Variants in PRKG2 observed in about 807,000 individuals in gnomAD.
PRKG2 encodes the protein protein kinase cGMP-dependent 2.
Under a neutral mutation model 97.2 loss-of-function variants are expected in PRKG2, and 33 were observed. The observed-to-expected ratio is 0.34, with a 90% CI of 0.26 to 0.45. The LOEUF (loss-of-function observed/expected upper bound fraction) is 0.45. Ranked by LOEUF, PRKG2 falls within the 20% of genes least tolerant of loss-of-function variation. The pLI is 1.00. For synonymous variants in PRKG2, 330 were observed against 321.8 expected (o/e 1.03, Z -0.27); for missense variants, 638 against 900.0 (o/e 0.71, Z 3.73).
At chr4:81,173,383 G>A (rs1750656803) in intron 3 of PRKG2, among the ~76,000 whole-genome samples, 1 of 152,038 alleles carries the variant, frequency 6.6e-6, no homozygotes. Flanking sequence ...AGAACTACTT[G>A]GGAAGGAACG....
At chr4:81,159,697 T>A (rs1211322444) in intron 6 of PRKG2, among the ~76,000 whole-genome samples, 1 of 151,884 alleles carries the variant, frequency 6.6e-6, no homozygotes, top group Non-Finnish European at 1.5e-5. Context: ...TAGCAAAGAC[T>A]TAGAACCAAC....
chr4:81,112,272 T>C (rs1018583066), intron 14 of PRKG2, among the ~76,000 whole-genome samples: 27 of 152,140 alleles, frequency 1.8e-4, no homozygotes, highest in South Asian at 1.2e-3. Context: ...TACTGTGTGG[T>C]TGGGAATATT....
rs1036153983 is a variant in PRKG2 at position 81,088,582 on chromosome 4, T to G, written c.*1126A>C. On this transcript the variant is annotated 3_prime_UTR_variant, in exon 19 of 19. Transcript: ENST00000264399. ...AAGGAAGGGATAGGAGGGATGCTGT[T>G]GTCCCTTTTACTTCTGAAATCCTAT... 1 of 152,176 alleles carries G rather than the reference T, an allele frequency of 6.6e-6. No homozygotes were observed. The highest frequency in any genetic ancestry group is 6.5e-5 in the Admixed American group (1 of 15,268). The allele number at this position is 152,176 out of a possible 1,614,324, so 9.4% of individuals were successfully genotyped here. A position where few individuals can be genotyped will look rare whatever the true frequency, so the allele number is the denominator to read the frequency against.
At position 81,142,829 on chromosome 4, in the gene PRKG2, T is replaced by C; in HGVS notation, c.1372A>G (p.Thr458Ala). The C allele has an allele frequency of 1.2e-6, 2 of 1,611,084 alleles. No individual in the cohort carries two copies. Among genetic ancestry groups the C allele is most frequent in the Non-Finnish European group, 1.7e-6 (2 of 1,178,084 alleles). The change falls in exon 11 of 19, where the codon ACA (threonine) becomes GCA (alanine). Residue 458 changes from threonine to alanine, a missense_variant. Thr to Ala is a moderately conservative substitution (Grantham distance 58). This residue lies in a region of PRKG2 where 304 missense variants were observed against 460.5 expected (regional missense o/e 0.66). Coordinates refer to ENST00000264399, the MANE Select transcript of PRKG2 (RefSeq NM_006259.3). ...SPFQNLEIIA[T>A]LGVGGFGRVE... is the part of the protein sequence containing the mutation. ...CTTCCGAACCCACCAACGCCCAGTGTTGCAATAATCTCAAGGTTCTGGAAT... is the reference window on the plus strand; with the variant it reads ...CTTCCGAACCCACCAACGCCCAGTGCTGCAATAATCTCAAGGTTCTGGAAT...
chr4:81,104,197 AGATT>A (rs2109967753), intron 17 of PRKG2, among the ~76,000 whole-genome samples, 169 bp downstream of exon 17: 1 of 152,292 alleles, frequency 6.6e-6, no homozygotes, highest in Middle Eastern at 3.4e-3. Flanking sequence ...AATCACTTTG[AGATT>A]GATTATTATA....
At chr4:81,208,457 A>C (rs532190150) in intron 1 of PRKG2, among the ~76,000 whole-genome samples, 45 of 152,282 alleles carry the variant, frequency 3.0e-4, no homozygotes, top group African/African-American at 1.0e-3. Context: ...ACAGGGTCTC[A>C]TTCTGCAGCC....
intron 6 of PRKG2, among the ~76,000 whole-genome samples, chr4:81,165,671 A>G (rs1749920018): frequency 6.6e-6 from 1 of 152,192 alleles, no homozygotes; most frequent in South Asian, 2.1e-4. Context: ...GCTGTCTGCA[A>G]ATGCTGAGAT....
At chr4:81,201,559 C>T (rs1052054049) in intron 2 of PRKG2, among the ~76,000 whole-genome samples, 2 of 152,102 alleles carry the variant, frequency 1.3e-5, no homozygotes, top group Non-Finnish European at 2.9e-5. Context: ...TTGATGGGTA[C>T]AGGACAATAA....
intron 4 of PRKG2, among the ~76,000 whole-genome samples, chr4:81,170,943 G>C (rs1008367632): frequency 9.9e-5 from 15 of 151,986 alleles, no homozygotes; most frequent in African/African-American, 3.6e-4. Context: ...AGCAAATATG[G>C]AATCAGTCAG....
At chr4:81,129,216 GT>G (rs1486832958) in intron 14 of PRKG2, among the ~76,000 whole-genome samples, 3 of 152,100 alleles carry the variant, frequency 2.0e-5, no homozygotes, top group African/African-American at 7.2e-5. Flanking sequence ...GCTGAGGAGT[GT>G]TTTATTTCCA....
At chr4:81,101,900 G>A (rs765634174) in intron 17 of PRKG2, among the ~76,000 whole-genome samples, 1 of 152,058 alleles carries the variant, frequency 6.6e-6, no homozygotes, top group Non-Finnish European at 1.5e-5. Context: ...GAGTAGAGAA[G>A]CTACGCAGCT....
intron 17 of PRKG2, among the ~76,000 whole-genome samples, chr4:81,096,410 C>T (rs1742119533): frequency 6.6e-6 from 1 of 151,998 alleles, no homozygotes; most frequent in Non-Finnish European, 1.5e-5. Flanking sequence ...GTGGCATGCA[C>T]CCATAGTTCC....
rs756811452 is a variant in PRKG2 at position 81,092,413 on chromosome 4, C to A, written c.2166G>T (p.Arg722=). The part of the protein sequence containing the change: ...NGFNWEGLKA[R]SLPSPLQREL... ...CTCTTTGCAAAGGTGATGGAAGGCT[C>A]CGTGCTTTCAGTCCCTCCCAATTAA... The change falls in exon 18 of 19, where the codon CGG becomes CGT. Residue 722 remains arginine, a synonymous_variant. Coordinates refer to ENST00000264399, the MANE Select transcript of PRKG2 (RefSeq NM_006259.3). 1.9e-6 allele frequency: 3 copies of A among 1,593,242 alleles called. No individual in the cohort carries two copies. The highest frequency in any genetic ancestry group is 2.6e-6 in the Non-Finnish European group (3 of 1,166,112).
chr4:81,147,557 C>A (rs926511858), intron 9 of PRKG2, among the ~76,000 whole-genome samples: 8 of 152,122 alleles, frequency 5.3e-5, no homozygotes, highest in African/African-American at 1.9e-4. Flanking sequence ...CCCTTTTCCA[C>A]ACCTAAAAAT....
chr4:81,129,786 A>G lies in PRKG2; in HGVS notation c.1776+5369T>C, dbSNP rs539862884. On this transcript the variant is annotated intron_variant, in intron 14 of 18. Coordinates refer to ENST00000264399, the MANE Select transcript of PRKG2 (RefSeq NM_006259.3). ...CACCGATGCATCTTGACTCTATCCA[A>G]TTTGCCACTCTGTGTCTTTTAATTG... 5.9e-5 allele frequency among the ~76,000 whole-genome samples: 9 copies of G among 152,114 alleles called. No homozygotes were observed. The South Asian group carries it at 1.7e-3, about 28-fold the overall frequency.
chr4:81,144,358 T>C lies in PRKG2; in HGVS notation c.1155-28A>G, dbSNP rs375946997. 38 of 1,552,024 alleles carry C rather than the reference T, an allele frequency of 2.4e-5. No homozygotes were observed. In the African/African-American group the frequency reaches 3.8e-4, roughly 16 times the overall value. On this transcript the variant is annotated intron_variant, in intron 9 of 18. Transcript: ENST00000264399. ...AAATAGATAGAATAAAGTAAAATGCTCCGTGCTGATAGTTACCAAGGCAAC... is the reference window on the plus strand; with the variant it reads ...AAATAGATAGAATAAAGTAAAATGCCCCGTGCTGATAGTTACCAAGGCAAC...
chr4:81,126,692 T>C (rs58198023), intron 14 of PRKG2, among the ~76,000 whole-genome samples: 14,952 of 152,240 alleles, frequency 0.098, 1,339 homozygotes, highest in East Asian at 0.38. Context: ...GAAGCGTCTG[T>C]TCCTCTCCTT....
intron 10 of PRKG2, among the ~76,000 whole-genome samples, chr4:81,143,387 A>C (rs888864647): frequency 6.6e-6 from 1 of 152,208 alleles, no homozygotes; most frequent in Non-Finnish European, 1.5e-5. Context: ...GGAGAATGCC[A>C]CATTGACAAT....
Position 81,140,603 on chromosome 4 carries a change from T to C in PRKG2, c.1474A>G (p.Thr492Ala). Reference sequence around the variant, plus strand: ...GAGTAGACATGCTCCTGCTGCTTGGTGTCAACTATGTGCTTCTTCCTTATA... The same window carrying C: ...GAGTAGACATGCTCCTGCTGCTTGGCGTCAACTATGTGCTTCTTCCTTATA... Reference protein sequence around the residue: ...KCIRKKHIVDTKQQEHVYSEK... With the variant: ...KCIRKKHIVDAKQQEHVYSEK... The change falls in exon 12 of 19, where the codon ACC (threonine) becomes GCC (alanine). Residue 492 changes from threonine to alanine, a missense_variant. By Grantham distance (58) the Thr-to-Ala change is moderately conservative. Transcript: ENST00000264399. 6.2e-7 allele frequency: 1 copy of C among 1,613,132 alleles called. No individual in the cohort carries two copies. Among genetic ancestry groups the C allele is most frequent in the South Asian group, 1.1e-5 (1 of 90,994 alleles).
Sources: gnomAD v4.1 joint callset for allele counts (sites outside exome capture counted in the v4.1 genomes callset) on GRCh38, gnomAD v4.1.1 for gene constraint, gnomAD v4.1.1 regional missense constraint, MANE v1.5 for transcripts, NCBI Gene and HGNC (gene_info 2026-07-23, HGNC 2026-07-21) for gene names.